The following CNTNAP2 variants were observed in gnomAD, a reference collection of about 807,000 sequenced individuals.
CNTNAP2 encodes contactin associated protein 2.
A neutral mutation model predicts 155.2 loss-of-function variants in CNTNAP2; 98 were observed. The ratio of observed to expected loss-of-function variants is 0.63; its 90% CI spans 0.54 to 0.75. The LOEUF is 0.75. Ranked by LOEUF, CNTNAP2 falls within the 30% of genes least tolerant of loss-of-function variation. The pLI, the probability that CNTNAP2 is intolerant of heterozygous loss-of-function variation, is 0.00. For missense variants in CNTNAP2, 1,727 were observed against 1,688.1 expected (o/e 1.02, Z -0.40); for synonymous variants, 651 against 631.2 (o/e 1.03, Z -0.47).
At chr7:148,026,120 A>G (rs1802370301) in intron 15 of CNTNAP2, among the ~76,000 whole-genome samples, 1 of 152,228 alleles carries the variant, frequency 6.6e-6, no homozygotes, top group African/African-American at 2.4e-5. Flanking sequence ...CCAGGAAATG[A>G]CAGCTTACCC....
rs71527883 is a variant in CNTNAP2, at chr7:148,177,895, G to GTTTTT, written c.3010+5426_3010+5430dup. Among the ~76,000 whole-genome samples the GTTTTT allele has an allele frequency of 9.1e-3, 1,334 of 146,746 alleles. 28 individuals are homozygous for GTTTTT. The highest frequency in any genetic ancestry group is 0.032 in the African/African-American group (1,277 of 39,990). ...AGGATACAAGAATTGAACAGACACT[G>GTTTTT]TTTTTTTTTTTTTGCTACATCTAGG... On this transcript the variant is annotated intron_variant, in intron 18 of 23. Transcript: ENST00000361727.
chr7:146,520,513 A>G (rs541442016), intron 1 of CNTNAP2, among the ~76,000 whole-genome samples: 1 of 151,618 alleles, frequency 6.6e-6, no homozygotes, highest in African/African-American at 2.4e-5. Context: ...CTGGACTCTA[A>G]GTTCATTTCC....
intron 20 of CNTNAP2, among the ~76,000 whole-genome samples, chr7:148,257,695 A>G (rs1414693633): frequency 1.3e-5 from 2 of 152,150 alleles, no homozygotes; most frequent in Non-Finnish European, 2.9e-5. Context: ...AGACTCTCAG[A>G]GCAGAGCAGG....
At chr7:146,228,975 A>C (rs1489905350) in intron 1 of CNTNAP2, among the ~76,000 whole-genome samples, 2 of 152,176 alleles carry the variant, frequency 1.3e-5, no homozygotes, top group African/African-American at 4.8e-5. Context: ...CGAATCACAC[A>C]TGCATCAGTA....
intron 3 of CNTNAP2, among the ~76,000 whole-genome samples, chr7:146,996,974 C>A (rs766105952): frequency 1.3e-5 from 2 of 152,132 alleles, no homozygotes; most frequent in Admixed American, 6.6e-5. Context: ...CTCATTCTCT[C>A]TCTTGCCTGC....
intron 9 of CNTNAP2, among the ~76,000 whole-genome samples, chr7:147,368,234 G>A (rs1307168693): frequency 1.3e-5 from 2 of 151,766 alleles, no homozygotes; most frequent in African/African-American, 4.8e-5. Flanking sequence ...CTACATAGAA[G>A]CCTGGGCAGG....
intron 13 of CNTNAP2, among the ~76,000 whole-genome samples, chr7:147,840,957 C>T (rs1798718032): frequency 1.3e-5 from 2 of 152,116 alleles, no homozygotes; most frequent in South Asian, 4.1e-4. Context: ...TAAGCATAAT[C>T]TAGGTGACCT....
At chr7:147,114,019 G>T (rs1213213289) in intron 5 of CNTNAP2, among the ~76,000 whole-genome samples, 6 of 152,026 alleles carry the variant, frequency 3.9e-5, no homozygotes, top group Admixed American at 3.9e-4. Flanking sequence ...TTGTATCTTT[G>T]TTCTCATTAG....
At chr7:146,816,616 T>C (rs1257702891) in intron 2 of CNTNAP2, among the ~76,000 whole-genome samples, 1 of 152,086 alleles carries the variant, frequency 6.6e-6, no homozygotes, top group East Asian at 1.9e-4. Context: ...AAGTATAGAG[T>C]TATCAGTAAT....
chr7:146,636,453 G>A (rs777176289), intron 1 of CNTNAP2, among the ~76,000 whole-genome samples: 11 of 152,024 alleles, frequency 7.2e-5, no homozygotes, highest in Non-Finnish European at 1.5e-4. Context: ...AAAAATTGCC[G>A]AAATGGGCTA....
chr7:146,299,609 C>T (rs1800572449), intron 1 of CNTNAP2, among the ~76,000 whole-genome samples: 1 of 151,788 alleles, frequency 6.6e-6, no homozygotes, highest in Non-Finnish European at 1.5e-5. Context: ...ACTTTGTTGT[C>T]CAGGATGGTC....
chr7:147,050,477 T>C (rs1470008362), intron 4 of CNTNAP2, among the ~76,000 whole-genome samples: 1 of 152,206 alleles, frequency 6.6e-6, no homozygotes, highest in African/African-American at 2.4e-5. Flanking sequence ...ATAAAACCTG[T>C]ATGTCATTCA....
chr7:148,062,494 A>G (rs185535681), intron 15 of CNTNAP2, among the ~76,000 whole-genome samples: 1 of 152,262 alleles, frequency 6.6e-6, no homozygotes, highest in Non-Finnish European at 1.5e-5. Context: ...GCACACGACA[A>G]TAAGTAAAAA....
At chr7:146,334,698 C>T (rs567540736) in intron 1 of CNTNAP2, among the ~76,000 whole-genome samples, 103 of 152,286 alleles carry the variant, frequency 6.8e-4, no homozygotes, top group African/African-American at 2.5e-3. Flanking sequence ...AATGTCACCA[C>T]TTCTGCTCCT....
intron 13 of CNTNAP2, among the ~76,000 whole-genome samples, chr7:147,794,362 A>C (rs964650305): frequency 2.6e-5 from 4 of 151,950 alleles, no homozygotes; most frequent in Non-Finnish European, 4.4e-5. Flanking sequence ...TCTATCATTA[A>C]AGGGTGTTGA....
intron 11 of CNTNAP2, among the ~76,000 whole-genome samples, chr7:147,530,009 A>G (rs1246455023): frequency 2.0e-5 from 3 of 152,192 alleles, no homozygotes; most frequent in African/African-American, 4.8e-5. Flanking sequence ...TGTATTATCA[A>G]TAATCGTGGG....
chr7:148,355,589 C>T (rs891790512), intron 21 of CNTNAP2, among the ~76,000 whole-genome samples: 1 of 152,140 alleles, frequency 6.6e-6, no homozygotes, highest in Non-Finnish European at 1.5e-5. Flanking sequence ...ACTCTCTGAA[C>T]CTAAAATGTA....
At chr7:146,756,480 T>C (rs972612811) in intron 1 of CNTNAP2, among the ~76,000 whole-genome samples, 2 of 152,038 alleles carry the variant, frequency 1.3e-5, no homozygotes, top group African/African-American at 4.8e-5. Flanking sequence ...TAGTATATGG[T>C]AGGTATCTTT....
chr7:146,849,106 A>T (rs1794821113), intron 3 of CNTNAP2, among the ~76,000 whole-genome samples: 1 of 152,214 alleles, frequency 6.6e-6, no homozygotes, highest in African/African-American at 2.4e-5. Context: ...AAAATAAAAA[A>T]AACTCTGAAA....
Sources: allele counts gnomAD v4.1 joint callset (sites outside exome capture counted in the v4.1 genomes callset), GRCh38; gene constraint gnomAD v4.1.1; transcripts MANE v1.5; gene names NCBI Gene and HGNC (gene_info 2026-07-23, HGNC 2026-07-21).